FRMPD3: variants seen among roughly 807,000 people sequenced by gnomAD.
FRMPD3 encodes FERM and PDZ domain-containing protein 3.
Under a neutral mutation model 97.9 loss-of-function variants are expected in FRMPD3, and 42 were observed. The observed-to-expected ratio is 0.43, with a 90% CI of 0.34 to 0.55. The LOEUF (loss-of-function observed/expected upper bound fraction) is 0.55. FRMPD3 is among the 20% of genes least tolerant of loss of function. The pLI is 0.03. For synonymous variants in FRMPD3, 577 were observed against 581.1 expected (o/e 0.99, Z 0.10); for missense variants, 1,303 against 1,457.7 (o/e 0.89, Z 1.73).
At chrX:107,461,816 C>T (rs754876625) in intron 1 of FRMPD3, among the ~76,000 whole-genome samples, 1 of 107,423 alleles carries the variant, frequency 9.3e-6, no homozygotes, top group Non-Finnish European at 1.9e-5. Context: ...TATACATATA[C>T]GTGTGTGTGT....
intron 1 of FRMPD3, among the ~76,000 whole-genome samples, chrX:107,465,119 C>T (rs184654273): frequency 1.8e-5 from 2 of 111,429 alleles, no homozygotes; most frequent in Non-Finnish European, 3.8e-5. Context: ...TCACAAATGG[C>T]AAATGATTCA....
In FRMPD3 at chrX:107,601,688, C is replaced by T. The variant is rs373259744; in HGVS notation, c.3649C>T (p.Arg1217Cys). ...PKSSRGPFRLRNLFSATFPTR... is the reference protein window; with the variant it reads ...PKSSRGPFRLCNLFSATFPTR... Reference sequence around the variant, plus strand: ...GTCATCCCGAGGTCCTTTCCGGCTACGCAATTTATTCTCTGCCACCTTCCC... The same window carrying T: ...GTCATCCCGAGGTCCTTTCCGGCTATGCAATTTATTCTCTGCCACCTTCCC... The change falls in exon 15 of 15, where the codon CGC becomes TGC. Residue 1217 changes from arginine to cysteine, a missense_variant. Physicochemically the swap from Arg to Cys is radical, Grantham distance 180. Transcript: ENST00000683843. 1.3e-4 allele frequency: 159 copies of T among 1,209,811 alleles called. No individual in the cohort carries two copies. In the African/African-American group the frequency reaches 1.8e-3, roughly 13 times the overall value.
At chrX:107,474,072 G>A (rs1240340937) in intron 1 of FRMPD3, among the ~76,000 whole-genome samples, 8 of 112,086 alleles carry the variant, frequency 7.1e-5, no homozygotes, top group Admixed American at 9.4e-5. Context: ...GCTACAGAGC[G>A]AGACTCTTTC....
At position 107,604,565 on chromosome X, in the gene FRMPD3, C is replaced by CCG. The variant is rs1335143300; in HGVS notation, c.*1194_*1195dup. 1 of 108,908 alleles carries CCG rather than the reference C, an allele frequency of 9.2e-6. No homozygotes were observed. Among genetic ancestry groups the CCG allele is most frequent in the Non-Finnish European group, 1.9e-5 (1 of 52,372 alleles). The allele number at this position is 108,908 out of a possible 1,213,427, so 9.0% of individuals were successfully genotyped here. ...ACCGCTGCCACCACCACCGCCACCACCGCTGCCAACCCTCCCCCCACGCCC... is the reference window on the plus strand; with the variant it reads ...ACCGCTGCCACCACCACCGCCACCACCGCGCTGCCAACCCTCCCCCCACGCCC... On this transcript the variant is annotated 3_prime_UTR_variant, in exon 15 of 15. Coordinates refer to ENST00000683843, the MANE Select transcript of FRMPD3 (RefSeq NM_001388459.1).
intron 1 of FRMPD3, among the ~76,000 whole-genome samples, chrX:107,480,840 GAAGA>G (rs1281611984): frequency 4.3e-4 from 29 of 67,837 alleles, no homozygotes; most frequent in African/African-American, 1.0e-3. Context: ...AAAAAAAAAA[GAAGA>G]AAGAAAGAAA....
In FRMPD3 at chrX:107,597,245, G is replaced by A. The variant is rs1924214871; in HGVS notation, c.1442-76G>A. The A allele has an allele frequency of 3.4e-6, 3 of 889,419 alleles. No homozygotes were observed. In the African/African-American group the frequency reaches 6.0e-5, roughly 18 times the overall value. 73.3% of individuals were successfully genotyped at this position (889,419 alleles called of 1,213,427 possible). ...CACTTGATTGTGCTACAGAGACATG[G>A]GCCAGAGACAACAAGGGAGCTCATT... On this transcript the variant is annotated intron_variant, in intron 13 of 14. Transcript: ENST00000683843.
chrX:107,568,926 A>C (rs754426433), intron 12 of FRMPD3, among the ~76,000 whole-genome samples: 1 of 107,676 alleles, frequency 9.3e-6, no homozygotes, highest in Non-Finnish European at 1.9e-5. Flanking sequence ...AGAGAGAGAG[A>C]GAGGGAGAGA....
intron 4 of FRMPD3, among the ~76,000 whole-genome samples, chrX:107,539,024 G>T (rs1414255988): frequency 9.0e-6 from 1 of 111,062 alleles, no homozygotes; most frequent in Non-Finnish European, 1.9e-5. Flanking sequence ...ACTATTAATA[G>T]TCACTTCTGA....
intron 2 of FRMPD3, among the ~76,000 whole-genome samples, chrX:107,528,180 T>C (rs1922778362): frequency 1.8e-5 from 2 of 111,711 alleles, no homozygotes; most frequent in African/African-American, 3.3e-5. Flanking sequence ...AAAAGCCCTA[T>C]AAAAAGCTGA....
chrX:107,576,109 A>C (rs1923103167), intron 12 of FRMPD3, among the ~76,000 whole-genome samples: 1 of 112,423 alleles, frequency 8.9e-6, no homozygotes, highest in African/African-American at 3.2e-5. Context: ...AGGTTGATTT[A>C]ATTTTGATAC....
chrX:107,569,855 A>G (rs1375790024), intron 12 of FRMPD3, among the ~76,000 whole-genome samples: 1 of 110,602 alleles, frequency 9.0e-6, no homozygotes, highest in African/African-American at 3.3e-5. Flanking sequence ...GTCTCTACTA[A>G]AAATACAAAA....
intron 7 of FRMPD3, among the ~76,000 whole-genome samples, chrX:107,553,267 C>A (rs1196992965): frequency 9.2e-6 from 1 of 108,163 alleles, no homozygotes; most frequent in African/African-American, 3.4e-5. Flanking sequence ...GAAAACTTGG[C>A]CTTTTGCATG....
At chrX:107,599,356 T>A (rs1458901365) in intron 14 of FRMPD3, among the ~76,000 whole-genome samples, 4 of 111,451 alleles carry the variant, frequency 3.6e-5, no homozygotes, top group Non-Finnish European at 7.5e-5. Context: ...CACGAGGGAT[T>A]GGGGTCAGAG....
chrX:107,561,855 C>T (rs780494824), intron 10 of FRMPD3, among the ~76,000 whole-genome samples: 1 of 112,541 alleles, frequency 8.9e-6, no homozygotes, highest in Non-Finnish European at 1.9e-5. Flanking sequence ...ACCATCTCCT[C>T]AGGTAACATT....
chrX:107,571,119 A>T (rs1192706088), intron 12 of FRMPD3, among the ~76,000 whole-genome samples: 1 of 112,046 alleles, frequency 8.9e-6, no homozygotes. Flanking sequence ...ACAGAAGCAC[A>T]TAAGGTGGAA....
chrX:107,585,976 T>A (rs1467690196), intron 13 of FRMPD3, among the ~76,000 whole-genome samples: 1 of 111,657 alleles, frequency 9.0e-6, no homozygotes, highest in Non-Finnish European at 1.9e-5. Flanking sequence ...TAGGGAGGAG[T>A]CCCTCCTTTT....
chrX:107,577,100 G>A (rs1216032777), intron 13 of FRMPD3, among the ~76,000 whole-genome samples: 2 of 101,416 alleles, frequency 2.0e-5, no homozygotes, highest in Non-Finnish European at 4.0e-5. Flanking sequence ...TGAGGCAGGC[G>A]GATCACTTGA....
chrX:107,583,217 G>A (rs944087754), intron 13 of FRMPD3, among the ~76,000 whole-genome samples: 4 of 108,843 alleles, frequency 3.7e-5, no homozygotes, highest in Non-Finnish European at 5.7e-5. Flanking sequence ...CTATTCACCC[G>A]TCCTCTAAGT....
intron 1 of FRMPD3, among the ~76,000 whole-genome samples, chrX:107,517,860 G>A (rs1165062260): frequency 9.6e-6 from 1 of 104,298 alleles, no homozygotes; most frequent in African/African-American, 3.5e-5. Context: ...GAGGGAGGGA[G>A]GGAGATAAAT....
Sources: allele counts gnomAD v4.1 joint callset (sites outside exome capture counted in the v4.1 genomes callset), GRCh38; gene constraint gnomAD v4.1.1; transcripts MANE v1.5; gene names NCBI Gene and HGNC (gene_info 2026-07-23, HGNC 2026-07-21).